Variants in EPHA7 observed in about 807,000 individuals in gnomAD.
EPHA7 encodes the protein ephrin type-A receptor 7.
EPHA7 carries 25 observed loss-of-function variants against 112.6 expected under a neutral mutation model. That is an observed-to-expected ratio of 0.22 (90% CI 0.16 to 0.31). The LOEUF (loss-of-function observed/expected upper bound fraction) is 0.31. Among genes scored for constraint, EPHA7 ranks in the 10% least tolerant of loss-of-function variants. EPHA7 has a pLI of 1.00. For missense variants in EPHA7, 962 were observed against 1,212.6 expected (o/e 0.79, Z 3.07); for synonymous variants, 437 against 406.5 (o/e 1.07, Z -0.90).
intron 11 of EPHA7, 53 bp downstream of exon 11, chr6:93,258,046 T>C (rs1423957444): frequency 1.1e-5 from 17 of 1,491,686 alleles, no homozygotes; most frequent in Non-Finnish European, 1.5e-5. Context: ...ATAATAATAC[T>C]AATTTCTGAC....
At position 93,410,484 on chromosome 6, in the gene EPHA7, T is replaced by C. The variant is rs1486486802; in HGVS notation, c.832+17A>G. 1.9e-6 allele frequency: 3 copies of C among 1,593,226 alleles called. No individual in the cohort carries two copies. Among genetic ancestry groups the C allele is most frequent in the East Asian group, 2.2e-5 (1 of 44,612 alleles). ...TTAAAAAGGCAAAGTGGAGTTTTAATAGGACACATTACTTACGTTCACAAG... is the reference window on the plus strand; with the variant it reads ...TTAAAAAGGCAAAGTGGAGTTTTAACAGGACACATTACTTACGTTCACAAG... On this transcript the variant is annotated intron_variant, in intron 3 of 16. Transcript: ENST00000369303. The surrounding 1 kb of genome is among the most constrained non-coding windows in gnomAD (Gnocchi z 4.0).
chr6:93,301,178 ATATAT>A (rs1772958030), intron 5 of EPHA7, among the ~76,000 whole-genome samples: 3 of 152,138 alleles, frequency 2.0e-5, no homozygotes, highest in Admixed American at 2.0e-4. Context: ...GCCACAGTAA[ATATAT>A]TATCTACTCT....
intron 5 of EPHA7, among the ~76,000 whole-genome samples, chr6:93,283,545 A>G (rs1381915527): frequency 6.6e-6 from 1 of 152,172 alleles, no homozygotes; most frequent in Non-Finnish European, 1.5e-5. Flanking sequence ...TCCTGAAGCC[A>G]GCAAGACCAC....
intron 5 of EPHA7, among the ~76,000 whole-genome samples, chr6:93,336,861 T>C (rs1774904242): frequency 1.3e-5 from 2 of 149,852 alleles, no homozygotes; most frequent in South Asian, 2.1e-4. Flanking sequence ...TGGAGTAATA[T>C]AAATTGGATA....
intron 1 of EPHA7, among the ~76,000 whole-genome samples, chr6:93,415,282 G>C (rs899534886): frequency 2.0e-5 from 3 of 151,898 alleles, no homozygotes; most frequent in Non-Finnish European, 4.4e-5. Context: ...AATGAATACA[G>C]AAATGTTAAA....
chr6:93,405,034 C>A (rs351324), intron 3 of EPHA7, among the ~76,000 whole-genome samples: 25,014 of 151,602 alleles, frequency 0.16, 2,258 homozygotes, highest in East Asian at 0.31. Flanking sequence ...TTACTTAGAA[C>A]TTAAAATTAT....
chr6:93,321,931 T>C (rs1044075668), intron 5 of EPHA7, among the ~76,000 whole-genome samples: 10 of 152,022 alleles, frequency 6.6e-5, no homozygotes, highest in Admixed American at 5.9e-4. Context: ...ACTGCCACTG[T>C]ACGACCTTGG....
chr6:93,282,913 C>A (rs920893873), intron 5 of EPHA7, among the ~76,000 whole-genome samples: 7 of 152,170 alleles, frequency 4.6e-5, no homozygotes, highest in African/African-American at 1.7e-4. Context: ...TCCTGCATGG[C>A]CAGAGCCTCC....
intron 5 of EPHA7, among the ~76,000 whole-genome samples, chr6:93,308,193 T>A (rs1458271398): frequency 6.6e-6 from 1 of 152,182 alleles, no homozygotes; most frequent in Non-Finnish European, 1.5e-5. Flanking sequence ...CATGCTTACA[T>A]GATAATTCAA....
chr6:93,386,628 T>A (rs1225918296), intron 3 of EPHA7, among the ~76,000 whole-genome samples: 1 of 152,148 alleles, frequency 6.6e-6, no homozygotes, highest in Non-Finnish European at 1.5e-5. Flanking sequence ...GGAGTCTGTG[T>A]GGGAGCTCCA....
At chr6:93,318,085 CT>C (rs1773895748) in intron 5 of EPHA7, among the ~76,000 whole-genome samples, 1 of 152,116 alleles carries the variant, frequency 6.6e-6, no homozygotes, top group South Asian at 2.1e-4. Context: ...AAAAAATGTA[CT>C]TATAAGACAT....
chr6:93,320,801 A>G (rs1182879633), intron 5 of EPHA7, among the ~76,000 whole-genome samples: 1 of 151,960 alleles, frequency 6.6e-6, no homozygotes, highest in African/African-American at 2.4e-5. Context: ...TAGAGACAAG[A>G]TGGCCCAACA....
At position 93,282,798 on chromosome 6, in the gene EPHA7, G is replaced by C. The variant is rs533272925; in HGVS notation, c.1325-10376C>G. On this transcript the variant is annotated intron_variant, in intron 5 of 16. Transcript: ENST00000369303. The stretch of plus-strand genomic sequence containing the variant: ...GGGCTTAGCACCTGGGCCAGCAGCT[G>C]CTGTGGTCGATTTCTCCCCCGGCCT... Among the ~76,000 whole-genome samples the C allele has an allele frequency of 3.5e-3, 536 of 152,282 alleles. 4 individuals carry two copies. The highest frequency in any genetic ancestry group is 0.011 in the African/African-American group (464 of 41,564).
At chr6:93,397,735 A>G (rs1355625840) in intron 3 of EPHA7, among the ~76,000 whole-genome samples, 3 of 151,934 alleles carry the variant, frequency 2.0e-5, no homozygotes, top group Non-Finnish European at 2.9e-5. Context: ...ATATGAATAT[A>G]ATGTACATTG....
chr6:93,294,670 G>C (rs931993881), intron 5 of EPHA7, among the ~76,000 whole-genome samples: 2 of 151,984 alleles, frequency 1.3e-5, no homozygotes, highest in Admixed American at 1.3e-4. Flanking sequence ...AGCTACAGTT[G>C]TATTAATTAT....
intron 5 of EPHA7, among the ~76,000 whole-genome samples, chr6:93,336,966 G>A (rs1013987872): frequency 1.3e-5 from 2 of 151,874 alleles, no homozygotes; most frequent in African/African-American, 4.8e-5. Flanking sequence ...TATAGGGGTG[G>A]CAGTTTGAAG....
intron 3 of EPHA7, among the ~76,000 whole-genome samples, chr6:93,384,651 C>A (rs765877412): frequency 2.0e-5 from 3 of 152,234 alleles, no homozygotes; most frequent in East Asian, 3.9e-4. Context: ...CTCACAGGAT[C>A]GCACATTTGT....
At chr6:93,387,971 ATAG>A (rs907253598) in intron 3 of EPHA7, among the ~76,000 whole-genome samples, 4 of 148,144 alleles carry the variant, frequency 2.7e-5, no homozygotes, top group African/African-American at 9.8e-5. Flanking sequence ...AGATAGATAG[ATAG>A]ATAGAATAGA....
intron 3 of EPHA7, among the ~76,000 whole-genome samples, chr6:93,383,310 C>G (rs1003733102): frequency 6.8e-6 from 1 of 146,784 alleles, no homozygotes; most frequent in Non-Finnish European, 1.5e-5. Flanking sequence ...TGACTTATAT[C>G]AGAACTCATT....
Sources: gnomAD v4.1 joint callset for allele counts (sites outside exome capture counted in the v4.1 genomes callset) on GRCh38, gnomAD v4.1.1 for gene constraint, Gnocchi (gnomAD v3.1) non-coding constraint, MANE v1.5 for transcripts, NCBI Gene and HGNC (gene_info 2026-07-23, HGNC 2026-07-21) for gene names.